KIZ: variants seen among roughly 807,000 people sequenced by gnomAD.
KIZ encodes the protein centrosomal protein kizuna.
In KIZ, 68 loss-of-function variants were observed where a neutral mutation model predicts 79.6. The ratio of observed to expected loss-of-function variants is 0.85; its 90% CI spans 0.70 to 1.05. The LOEUF (loss-of-function observed/expected upper bound fraction) is 1.05. Ranked by LOEUF, KIZ falls within the 50% of genes least tolerant of loss-of-function variation. The pLI is 0.00. For missense variants in KIZ, 797 were observed against 800.4 expected (o/e 1.00, Z 0.05); for synonymous variants, 280 against 281.8 (o/e 0.99, Z 0.06).
chr20:21,163,092 T>G lies in KIZ; in HGVS notation c.1285T>G (p.Cys429Gly), dbSNP rs1167674465. 1 of 1,613,754 alleles carries G rather than the reference T, an allele frequency of 6.2e-7. No individual in the cohort carries two copies. Among genetic ancestry groups the G allele is most frequent in the Non-Finnish European group, 8.5e-7 (1 of 1,179,790 alleles). Reference sequence around the variant, plus strand: ...AGTTGCCCTATCCACTGAAAAAAATTGTATTTTGCAAACCCTAAGCTCTCC... The same window carrying G: ...AGTTGCCCTATCCACTGAAAAAAATGGTATTTTGCAAACCCTAAGCTCTCC... ...ERVALSTEKN[C>G]ILQTLSSPDS... The change falls in exon 6 of 13, where the codon TGT (cysteine) becomes GGT (glycine). Residue 429 changes from cysteine (C) to glycine (G), a missense_variant. Physicochemically the swap from Cys to Gly is radical, Grantham distance 159. Transcript: ENST00000619189.
At chr20:21,142,066 A>C (rs2032577542) in intron 3 of KIZ, among the ~76,000 whole-genome samples, 1 of 149,842 alleles carries the variant, frequency 6.7e-6, no homozygotes, top group South Asian at 2.1e-4. Context: ...GTCTCTCTAC[A>C]TCTTTATCTC....
chr20:21,162,339 A>G lies in KIZ; in HGVS notation c.874A>G (p.Lys292Glu). 6.2e-7 allele frequency: 1 copy of G among 1,613,944 alleles called. No homozygotes were observed. Among genetic ancestry groups the G allele is most frequent in the Non-Finnish European group, 8.5e-7 (1 of 1,179,856 alleles). The change falls in exon 5 of 13, where the codon AAG (lysine) becomes GAG (glutamate). Residue 292 changes from lysine to glutamate, a missense_variant. Lys to Glu is a moderately conservative substitution (Grantham distance 56, BLOSUM62 1). Transcript: ENST00000619189. ...TCCAGAGAACAGAACCACTGATTTA[A>G]AGTGTGACAGTTCCAGCGGATCAGA... is the stretch of plus-strand genomic sequence containing the variant. ...LSPENRTTDLKCDSSSGSEGE... is the reference protein window; with the variant it reads ...LSPENRTTDLECDSSSGSEGE...
intron 10 of KIZ, among the ~76,000 whole-genome samples, chr20:21,230,017 T>C (rs1473455789): frequency 1.3e-5 from 2 of 152,346 alleles, no homozygotes; most frequent in Admixed American, 1.3e-4. Context: ...AGAGTATAAG[T>C]TACCTCAGTT....
At chr20:21,157,898 A>C (rs1275127704) in intron 4 of KIZ, among the ~76,000 whole-genome samples, 1 of 152,172 alleles carries the variant, frequency 6.6e-6, no homozygotes, top group Non-Finnish European at 1.5e-5. Context: ...ACTGGTCTTG[A>C]AAATGAAAAA....
intron 6 of KIZ, among the ~76,000 whole-genome samples, chr20:21,168,885 G>A (rs1242674449): frequency 6.6e-6 from 1 of 152,192 alleles, no homozygotes; most frequent in Non-Finnish European, 1.5e-5. Flanking sequence ...GTCATAGGTA[G>A]AAAGCTGAAA....
intron 6 of KIZ, among the ~76,000 whole-genome samples, chr20:21,186,303 T>TG (rs1339420717): frequency 6.6e-6 from 1 of 152,000 alleles, no homozygotes; most frequent in African/African-American, 2.4e-5. Flanking sequence ...ACTGATCAGC[T>TG]GTGTCACACA....
chr20:21,181,825 C>G (rs2034667654), intron 6 of KIZ, among the ~76,000 whole-genome samples: 1 of 152,150 alleles, frequency 6.6e-6, no homozygotes, highest in South Asian at 2.1e-4. Flanking sequence ...CTTGATATAT[C>G]AGGATGCTGT....
chr20:21,137,833 A>G (rs1312449183), intron 3 of KIZ, among the ~76,000 whole-genome samples: 1 of 152,176 alleles, frequency 6.6e-6, no homozygotes, highest in Admixed American at 6.5e-5. Flanking sequence ...CTGAAGTGCA[A>G]TGGCGTGATC....
intron 3 of KIZ, among the ~76,000 whole-genome samples, chr20:21,136,789 A>G (rs1429824589): frequency 6.6e-6 from 1 of 151,960 alleles, no homozygotes; most frequent in Non-Finnish European, 1.5e-5. Flanking sequence ...TTTTGTTTTT[A>G]ATCTTTTTTT....
chr20:21,144,020 A>G (rs890847321), intron 3 of KIZ: 1 of 152,206 alleles, frequency 6.6e-6, no homozygotes, highest in African/African-American at 2.4e-5. Context: ...AAGAGTATCT[A>G]CAGTTGAGTG....
intron 6 of KIZ, among the ~76,000 whole-genome samples, chr20:21,177,283 G>C (rs1368057619): frequency 6.6e-6 from 1 of 152,096 alleles, no homozygotes; most frequent in African/African-American, 2.4e-5. Context: ...ATAGTCGTAT[G>C]AACTGAAATT....
chr20:21,162,796 C>T lies in KIZ; in HGVS notation c.1043-54C>T, dbSNP rs1459939030. 3.5e-6 allele frequency: 5 copies of T among 1,425,230 alleles called. No individual in the cohort carries two copies. In the African/African-American group the frequency reaches 5.7e-5, roughly 16 times the overall value. The allele number at this position is 1,425,230 out of a possible 1,614,324, so 88.3% of individuals were successfully genotyped here. A position where few individuals can be genotyped will look rare whatever the true frequency, so the allele number is the denominator to read the frequency against. On this transcript the variant is annotated intron_variant, in intron 5 of 12. Coordinates refer to ENST00000619189, the MANE Select transcript of KIZ (RefSeq NM_018474.6). Reference sequence around the variant, plus strand: ...GATGAGTAATTCTGCTGTGTGTTACCTTGCTTCCTCCTGAAGTCAGTGATT... The same window carrying T: ...GATGAGTAATTCTGCTGTGTGTTACTTTGCTTCCTCCTGAAGTCAGTGATT...
At chr20:21,220,632 T>G (rs1236534490) in intron 9 of KIZ, among the ~76,000 whole-genome samples, 1 of 152,010 alleles carries the variant, frequency 6.6e-6, no homozygotes, top group African/African-American at 2.4e-5. Flanking sequence ...TACAGGCATG[T>G]TCCACCAAGC....
At chr20:21,215,707 G>A in intron 9 of KIZ, 59 bp downstream of exon 9, 2 of 1,187,748 alleles carry the variant, frequency 1.7e-6, no homozygotes, top group South Asian at 1.3e-5. Flanking sequence ...TATATAAGCG[G>A]AACATTTTGG....
chr20:21,224,531 TATAGAA>T (rs1370773404), intron 9 of KIZ, among the ~76,000 whole-genome samples: 1 of 152,244 alleles, frequency 6.6e-6, no homozygotes, highest in African/African-American at 2.4e-5. Context: ...TTTAACTTCA[TATAGAA>T]ATAGCAGTTA....
intron 6 of KIZ, among the ~76,000 whole-genome samples, 163 bp downstream of exon 6, chr20:21,163,322 C>T (rs1343466154): frequency 6.6e-6 from 1 of 151,988 alleles, no homozygotes; most frequent in Non-Finnish European, 1.5e-5. Flanking sequence ...TCTTTCTGTC[C>T]TTCTTTCTTC....
At chr20:21,136,593 T>TTG in intron 3 of KIZ, 41 bp downstream of exon 3, 6 of 1,399,994 alleles carry the variant, frequency 4.3e-6, no homozygotes, top group Non-Finnish European at 5.7e-6. Flanking sequence ...TTATTTGTTG[T>TTG]TGTGTGTTTT....
At chr20:21,245,725 A>G (rs1043063647) in intron 12 of KIZ, 2 of 152,252 alleles carry the variant, frequency 1.3e-5, no homozygotes, top group Admixed American at 1.3e-4. Context: ...TGGCTGCAGG[A>G]GCGTGCTCAG....
At chr20:21,132,972 A>T (rs2031947167) in intron 2 of KIZ, 1 of 152,224 alleles carries the variant, frequency 6.6e-6, no homozygotes, top group African/African-American at 2.4e-5. Flanking sequence ...TTCTTCCTCC[A>T]CTATTAAGAG....
Sources: gnomAD v4.1 joint callset for allele counts (sites outside exome capture counted in the v4.1 genomes callset) on GRCh38, gnomAD v4.1.1 for gene constraint, MANE v1.5 for transcripts, NCBI Gene and HGNC (gene_info 2026-07-23, HGNC 2026-07-21) for gene names.